IL7: variants seen among roughly 807,000 people sequenced by gnomAD.
IL7 encodes the protein interleukin-7.
IL7 carries 3 observed loss-of-function variants against 21.6 expected under a neutral mutation model. The observed-to-expected ratio is 0.14, with a 90% confidence interval of 0.06 to 0.36. The LOEUF is 0.36. Among genes scored for constraint, IL7 ranks in the 10% least tolerant of loss-of-function variants. IL7 has a pLI of 1.00. For synonymous variants in IL7, 62 were observed against 68.1 expected (o/e 0.91, Z 0.44); for missense variants, 175 against 200.2 (o/e 0.87, Z 0.76).
chr8:78,692,631 T>A (rs1810247341), intron 3 of IL7, among the ~76,000 whole-genome samples: 1 of 152,044 alleles, frequency 6.6e-6, no homozygotes, highest in African/African-American at 2.4e-5. Context: ...CAGTGTAGGT[T>A]TTCCAGTGGT....
chr8:78,680,505 T>C (rs1357183246), intron 4 of IL7, among the ~76,000 whole-genome samples: 1 of 152,098 alleles, frequency 6.6e-6, no homozygotes, highest in Admixed American at 6.6e-5. Context: ...CACATTAAAG[T>C]TTGAGAAGCA....
At position 78,741,842 on chromosome 8, in the gene IL7, A is replaced by T. The variant is rs182937292; in HGVS notation, c.148-1760T>A. On this transcript the variant is annotated intron_variant, in intron 2 of 5. Transcript: ENST00000263851. ...TGATTGCCAATTACTGTTGCTTTCTAAAATTCTTTTCATTCATGCCCTATC... is the reference window on the plus strand; with the variant it reads ...TGATTGCCAATTACTGTTGCTTTCTTAAATTCTTTTCATTCATGCCCTATC... 8.5e-5 allele frequency among the ~76,000 whole-genome samples: 13 copies of T among 152,336 alleles called. No individual in the cohort carries two copies. The East Asian group carries it at 2.5e-3, about 29-fold the overall frequency.
intron 3 of IL7, among the ~76,000 whole-genome samples, chr8:78,704,152 C>T (rs551532602): frequency 3.1e-4 from 47 of 152,014 alleles, no homozygotes; most frequent in African/African-American, 5.5e-4. Context: ...GAGACCGAGG[C>T]GAGCGGATCA....
chr8:78,787,491 A>G (rs761215371), intron 2 of IL7, among the ~76,000 whole-genome samples: 13 of 152,196 alleles, frequency 8.5e-5, no homozygotes, highest in Admixed American at 2.6e-4. Context: ...TTTTTTTCCC[A>G]CAGATACTCT....
At chr8:78,719,320 T>C (rs1811193898) in intron 5 of IL7, 2 of 151,762 alleles carry the variant, frequency 1.3e-5, no homozygotes, top group Non-Finnish European at 3.0e-5. Flanking sequence ...CACTGAATTT[T>C]ACAGTAGTAA....
chr8:78,764,016 T>C (rs1228254082), intron 2 of IL7, among the ~76,000 whole-genome samples: 1 of 152,180 alleles, frequency 6.6e-6, no homozygotes, highest in Non-Finnish European at 1.5e-5. Flanking sequence ...GTGGATTTAA[T>C]TTCAGGTATG....
chr8:78,684,051 A>T (rs1809874354), intron 4 of IL7, among the ~76,000 whole-genome samples: 1 of 152,168 alleles, frequency 6.6e-6, no homozygotes, highest in Non-Finnish European at 1.5e-5. Context: ...GTTTCTAGGA[A>T]GTTCCAAACT....
chr8:78,733,702 C>T lies in IL7; in HGVS notation c.*11G>A. The T allele has an allele frequency of 1.3e-6, 2 of 1,595,848 alleles. No homozygotes were observed. ...TAAAGTTCGTGTTTCTATATTGCCA[C>T]TCCATATTTTTCAGTGTTCTTTAGT... On this transcript the variant is annotated 3_prime_UTR_variant, in exon 6 of 6. Coordinates refer to ENST00000263851, the MANE Select transcript of IL7 (RefSeq NM_000880.4).
At chr8:78,711,758 T>C (rs1810956955) in intron 3 of IL7, among the ~76,000 whole-genome samples, 1 of 152,098 alleles carries the variant, frequency 6.6e-6, no homozygotes, top group Non-Finnish European at 1.5e-5. Flanking sequence ...ATTTGACATT[T>C]GTTTGGATGT....
intron 3 of IL7, chr8:78,697,315 C>G: frequency 9.5e-7 from 1 of 1,055,228 alleles, no homozygotes; most frequent in South Asian, 1.8e-5. Flanking sequence ...GGCTGAAATC[C>G]TAAACCCAAA....
At chr8:78,803,220 A>G (rs192816751) in intron 1 of IL7, among the ~76,000 whole-genome samples, 16 of 152,078 alleles carry the variant, frequency 1.1e-4, no homozygotes, top group Non-Finnish European at 2.4e-4. Context: ...GCTGGAGGAC[A>G]GTGGTAAGAT....
At chr8:78,791,771 C>T (rs1211740592) in intron 2 of IL7, among the ~76,000 whole-genome samples, 2 of 152,042 alleles carry the variant, frequency 1.3e-5, no homozygotes, top group African/African-American at 4.8e-5. Flanking sequence ...CTCTTAAGCT[C>T]CCCACCACTT....
intron 4 of IL7, among the ~76,000 whole-genome samples, chr8:78,683,887 A>C (rs1274115586): frequency 6.6e-6 from 1 of 152,240 alleles, no homozygotes; most frequent in African/African-American, 2.4e-5. Context: ...TCTCTATTGC[A>C]ACAGCAAAAT....
At chr8:78,689,490 A>G in intron 3 of IL7, 1 of 839,482 alleles carries the variant, frequency 1.2e-6, no homozygotes. Flanking sequence ...TTTTATAGAT[A>G]TATAGTTTTA....
downstream of IL7, among the ~76,000 whole-genome samples, chr8:78,729,194 A>G (rs1341625385): frequency 6.6e-6 from 1 of 151,974 alleles, no homozygotes; most frequent in Admixed American, 6.6e-5. Flanking sequence ...AACCTAAAAT[A>G]CCACCTTTCT....
In IL7 at chr8:78,805,078, C is replaced by T. The variant is rs1378360736; in HGVS notation, c.-156G>A. ...TGCAGCTGGTTCCTCTTACCCACGCCGCGACTGCAGTTTCATCCATCCCAA... is the reference window on the plus strand; with the variant it reads ...TGCAGCTGGTTCCTCTTACCCACGCTGCGACTGCAGTTTCATCCATCCCAA... On this transcript the variant is annotated 5_prime_UTR_variant, in exon 1 of 6. Coordinates refer to ENST00000263851, the MANE Select transcript of IL7 (RefSeq NM_000880.4). 7.1e-6 allele frequency: 5 copies of T among 704,590 alleles called. No individual in the cohort carries two copies. Among genetic ancestry groups the T allele is most frequent in the Non-Finnish European group, 1.2e-5 (5 of 429,452 alleles). 43.6% of individuals were successfully genotyped at this position (704,590 alleles called of 1,614,324 possible).
chr8:78,686,678 C>T, intron 3 of IL7: 1 of 1,364,086 alleles, frequency 7.3e-7, no homozygotes, highest in Non-Finnish European at 9.5e-7. Context: ...TATAAATTTT[C>T]ACTTGTTAAG....
At position 78,733,664 on chromosome 8, in the gene IL7, T is replaced by C. The variant is rs1190966034; in HGVS notation, c.*49A>G. On this transcript the variant is annotated 3_prime_UTR_variant, in exon 6 of 6. Coordinates refer to ENST00000263851, the MANE Select transcript of IL7 (RefSeq NM_000880.4). ...AAAACTGCATAAGCAGATAGATTCT[T>C]GGAGGATGCAGCTAAAGTTCGTGTT... 1 of 1,577,102 alleles carries C rather than the reference T, an allele frequency of 6.3e-7. No individual in the cohort carries two copies. Among genetic ancestry groups the C allele is most frequent in the Non-Finnish European group, 8.6e-7 (1 of 1,162,768 alleles).
intron 1 of IL7, among the ~76,000 whole-genome samples, chr8:78,802,419 C>G (rs1244012293): frequency 6.6e-6 from 1 of 151,078 alleles, no homozygotes; most frequent in African/African-American, 2.4e-5. Context: ...AAATTCCTTT[C>G]GTATTTTTCT....
Sources: allele counts gnomAD v4.1 joint callset (sites outside exome capture counted in the v4.1 genomes callset), GRCh38; gene constraint gnomAD v4.1.1; transcripts MANE v1.5; gene names NCBI Gene and HGNC (gene_info 2026-07-23, HGNC 2026-07-21).